Variants in SYNDIG1 observed in about 807,000 individuals in gnomAD.
The protein encoded by SYNDIG1 is synapse differentiation-inducing gene protein 1.
In SYNDIG1, 9 loss-of-function variants were observed where a neutral mutation model predicts 19.4. The observed-to-expected ratio is 0.46, with a 90% confidence interval of 0.28 to 0.81. SYNDIG1 has a LOEUF of 0.81. SYNDIG1 is among the 30% of genes least tolerant of loss of function. The pLI is 0.12. For synonymous variants in SYNDIG1, 141 were observed against 145.9 expected (o/e 0.97, Z 0.24); for missense variants, 311 against 343.3 (o/e 0.91, Z 0.74).
At chr20:24,579,044 A>T (rs1293733304) in intron 2 of SYNDIG1, among the ~76,000 whole-genome samples, 19 of 152,238 alleles carry the variant, frequency 1.2e-4, no homozygotes, top group Non-Finnish European at 2.9e-5. Flanking sequence ...TAATCAACAT[A>T]TAAATGTTAT....
intron 1 of SYNDIG1, among the ~76,000 whole-genome samples, chr20:24,500,507 TTTCTTTCTTTCTTTCTTTCTTTC>T (rs927976674): frequency 1.7e-4 from 24 of 143,224 alleles, no homozygotes; most frequent in Non-Finnish European, 2.7e-4. Context: ...TCTTTCTTTC[TTTCTTTCTTTCTTTCTTTCTTTC>T]TTCTTTCTTT....
chr20:24,571,930 A>C (rs1251327992), intron 2 of SYNDIG1, among the ~76,000 whole-genome samples: 1 of 152,220 alleles, frequency 6.6e-6, no homozygotes, highest in African/African-American at 2.4e-5. Flanking sequence ...CAACCCAAAA[A>C]AATTATCAAA....
chr20:24,585,053 G>GGGGGGC, intron 3 of SYNDIG1, 60 bp downstream of exon 3: 2 of 647,986 alleles, frequency 3.1e-6, no homozygotes, highest in African/African-American at 1.9e-5. Context: ...GGGGGTGGGG[G>GGGGGGC]CGGCAATCCC....
chr20:24,493,252 G>A (rs1264771870), intron 1 of SYNDIG1, among the ~76,000 whole-genome samples: 3 of 152,192 alleles, frequency 2.0e-5, no homozygotes, highest in African/African-American at 7.2e-5. Context: ...CCTAGTTGTG[G>A]GTTTCCTTTA....
chr20:24,482,349 G>A (rs576721893), intron 1 of SYNDIG1, among the ~76,000 whole-genome samples: 6 of 152,272 alleles, frequency 3.9e-5, no homozygotes, highest in East Asian at 1.9e-4. Context: ...GATTACAGGC[G>A]TGAGTCACCA....
chr20:24,645,558 A>AG (rs917568386), intron 3 of SYNDIG1, among the ~76,000 whole-genome samples: 1 of 152,132 alleles, frequency 6.6e-6, no homozygotes, highest in Non-Finnish European at 1.5e-5. Flanking sequence ...GAGGGAAGTG[A>AG]GGGGGGAAGA....
chr20:24,570,370 C>T (rs1394800508), intron 2 of SYNDIG1, among the ~76,000 whole-genome samples: 5 of 152,184 alleles, frequency 3.3e-5, no homozygotes, highest in Non-Finnish European at 7.3e-5. Flanking sequence ...AGACAAGCTA[C>T]ACAATGGGAG....
intron 1 of SYNDIG1, among the ~76,000 whole-genome samples, chr20:24,530,530 G>T (rs1464030346): frequency 6.6e-6 from 1 of 152,178 alleles, no homozygotes; most frequent in Non-Finnish European, 1.5e-5. Context: ...TTTAATGAGG[G>T]TTTGCAAGCA....
At chr20:24,544,330 C>T (rs1165124501) in intron 2 of SYNDIG1, among the ~76,000 whole-genome samples, 1 of 152,126 alleles carries the variant, frequency 6.6e-6, no homozygotes, top group Non-Finnish European at 1.5e-5. Context: ...CAAGTCATTC[C>T]ACTGCAGTGA....
At chr20:24,617,136 AGAAGAGGTGGCCGC>A (rs1600754041) in intron 3 of SYNDIG1, among the ~76,000 whole-genome samples, 2 of 152,122 alleles carry the variant, frequency 1.3e-5, no homozygotes, top group African/African-American at 4.8e-5. Context: ...AGGTGGGCCG[AGAAGAGGTGGCCGC>A]CTGGGTGCTG....
chr20:24,618,306 G>GA (rs1484271572), intron 3 of SYNDIG1, among the ~76,000 whole-genome samples: 1 of 149,160 alleles, frequency 6.7e-6, no homozygotes, highest in African/African-American at 2.5e-5. Context: ...AGGGAAGGGG[G>GA]AGAGCCCAGT....
Position 24,665,571 on chromosome 20 carries a change from C to A in SYNDIG1, c.*67C>A. 6.2e-7 allele frequency: 1 copy of A among 1,600,518 alleles called. No individual in the cohort carries two copies. Among genetic ancestry groups the A allele is most frequent in the Admixed American group, 1.7e-5 (1 of 57,530 alleles). The stretch of plus-strand genomic sequence containing the variant: ...TGTGGACGTGGAGGAAGCAGGCATA[C>A]CGCATGATGCTGTACAGTACAAATG... On this transcript the variant is annotated 3_prime_UTR_variant, in exon 4 of 4. Coordinates refer to ENST00000376862, the MANE Select transcript of SYNDIG1 (RefSeq NM_024893.3).
At chr20:24,514,475 C>T (rs544905386) in intron 1 of SYNDIG1, among the ~76,000 whole-genome samples, 83 of 152,208 alleles carry the variant, frequency 5.5e-4, no homozygotes, top group African/African-American at 1.9e-3. Context: ...GGTTGCAATC[C>T]TAGTCTCTGA....
intron 1 of SYNDIG1, among the ~76,000 whole-genome samples, chr20:24,494,058 G>T (rs1218612285): frequency 6.6e-6 from 1 of 152,172 alleles, no homozygotes; most frequent in Non-Finnish European, 1.5e-5. Context: ...ACCCCTGCTC[G>T]CTGGGTATGG....
intron 2 of SYNDIG1, among the ~76,000 whole-genome samples, chr20:24,562,280 T>C (rs952861149): frequency 1.3e-5 from 2 of 152,254 alleles, no homozygotes; most frequent in Non-Finnish European, 2.9e-5. Flanking sequence ...TGGCTCATCC[T>C]AGAAATTGAA....
chr20:24,525,346 C>CAT (rs1235358871), intron 1 of SYNDIG1, among the ~76,000 whole-genome samples: 1 of 137,916 alleles, frequency 7.3e-6, no homozygotes, highest in East Asian at 2.1e-4. Flanking sequence ...AGCTGGAGTA[C>CAT]AGTGGCACGA....
intron 2 of SYNDIG1, among the ~76,000 whole-genome samples, chr20:24,549,514 C>A (rs8119329): frequency 1.3e-5 from 2 of 152,074 alleles, no homozygotes; most frequent in African/African-American, 2.4e-5. Flanking sequence ...AAACCCCTTG[C>A]AGGACTGGAG....
chr20:24,600,676 G>A (rs182384640), intron 3 of SYNDIG1, among the ~76,000 whole-genome samples: 8 of 147,500 alleles, frequency 5.4e-5, no homozygotes, highest in Admixed American at 1.4e-4. Context: ...GTGCAATGGC[G>A]TGATCTCAGC....
At chr20:24,523,269 C>A (rs923553967) in intron 1 of SYNDIG1, among the ~76,000 whole-genome samples, 1 of 152,150 alleles carries the variant, frequency 6.6e-6, no homozygotes. Flanking sequence ...ACTATACCTA[C>A]TTAATGGGGT....
Sources: gnomAD v4.1 joint callset for allele counts (sites outside exome capture counted in the v4.1 genomes callset) on GRCh38, gnomAD v4.1.1 for gene constraint, MANE v1.5 for transcripts, NCBI Gene and HGNC (gene_info 2026-07-23, HGNC 2026-07-21) for gene names.